PLXDC2: variants seen among roughly 807,000 people sequenced by gnomAD.
The protein encoded by PLXDC2 is plexin domain-containing protein 2.
A neutral mutation model predicts 68.9 loss-of-function variants in PLXDC2; 40 were observed. That is an observed-to-expected ratio of 0.58 (90% CI 0.45 to 0.76). The LOEUF (loss-of-function observed/expected upper bound fraction) is 0.76. Ranked by LOEUF, PLXDC2 falls within the 30% of genes least tolerant of loss-of-function variation. The probability of loss-of-function intolerance (pLI) is 0.00; values close to 1 mark genes in which losing one functional copy is unlikely to be tolerated. For synonymous variants in PLXDC2, 243 were observed against 234.2 expected, an observed-to-expected ratio of 1.04 and a Z score of -0.34; for missense variants, 644 against 661.9, an observed-to-expected ratio of 0.97 and a Z score of 0.30.
intron 1 of PLXDC2, among the ~76,000 whole-genome samples, chr10:19,860,489 T>A (rs17756200): frequency 0.048 from 7,369 of 152,268 alleles, 235 homozygotes; most frequent in Middle Eastern, 0.11. Context: ...AAGTGTGCAA[T>A]GTTCTGGCTG....
At chr10:19,856,365 AAC>A (rs1026568869) in intron 1 of PLXDC2, among the ~76,000 whole-genome samples, 5 of 132,092 alleles carry the variant, frequency 3.8e-5, no homozygotes, top group African/African-American at 5.9e-5. Context: ...TACACACACA[AAC>A]ACACACACAC....
At chr10:19,990,151 G>A (rs908167112) in intron 1 of PLXDC2, among the ~76,000 whole-genome samples, 2 of 151,866 alleles carry the variant, frequency 1.3e-5, no homozygotes, top group African/African-American at 2.4e-5. Flanking sequence ...ACTGGACCAC[G>A]TTAAGTCCAT....
intron 1 of PLXDC2, among the ~76,000 whole-genome samples, chr10:19,925,804 A>C (rs1460624427): frequency 2.0e-5 from 3 of 152,190 alleles, no homozygotes; most frequent in Non-Finnish European, 4.4e-5. Flanking sequence ...GACAATACTT[A>C]GGTGAGGAAT....
At chr10:20,268,417 A>G (rs538821883) in intron 13 of PLXDC2, among the ~76,000 whole-genome samples, 2 of 152,330 alleles carry the variant, frequency 1.3e-5, no homozygotes, top group East Asian at 3.9e-4. Context: ...TTAAAAACAT[A>G]TGATGAAACT....
chr10:19,828,116 A>G (rs188602380), intron 1 of PLXDC2, among the ~76,000 whole-genome samples: 10 of 152,376 alleles, frequency 6.6e-5, no homozygotes, highest in Admixed American at 5.9e-4. Flanking sequence ...ACACATGGAC[A>G]TGATGATATT....
At chr10:20,033,637 C>T (rs1380981406) in intron 2 of PLXDC2, among the ~76,000 whole-genome samples, 1 of 152,120 alleles carries the variant, frequency 6.6e-6, no homozygotes, top group Non-Finnish European at 1.5e-5. Flanking sequence ...TGTGGGGTAA[C>T]TTCCCTTTAT....
intron 9 of PLXDC2, among the ~76,000 whole-genome samples, chr10:20,202,836 A>T (rs1834939374): frequency 6.6e-6 from 1 of 152,150 alleles, no homozygotes; most frequent in African/African-American, 2.4e-5. Flanking sequence ...ATCTAGCTAG[A>T]GTTGCTGTTT....
intron 6 of PLXDC2, among the ~76,000 whole-genome samples, chr10:20,150,897 A>G (rs763325460): frequency 6.6e-6 from 1 of 152,130 alleles, no homozygotes; most frequent in Non-Finnish European, 1.5e-5. Context: ...AAGTTCCACT[A>G]TGGTTTTCCT....
At chr10:19,887,637 A>G (rs1182544130) in intron 1 of PLXDC2, among the ~76,000 whole-genome samples, 1 of 152,222 alleles carries the variant, frequency 6.6e-6, no homozygotes, top group African/African-American at 2.4e-5. Flanking sequence ...GTGTGAGTGC[A>G]TGCATGTTCA....
intron 1 of PLXDC2, among the ~76,000 whole-genome samples, chr10:19,984,094 C>CT (rs1486747067): frequency 5.3e-5 from 8 of 152,188 alleles, no homozygotes; most frequent in African/African-American, 1.9e-4. Context: ...GAAGCTACCA[C>CT]TTTGAGTTTC....
At chr10:19,984,840 G>A (rs11599265) in intron 1 of PLXDC2, among the ~76,000 whole-genome samples, 8,116 of 152,226 alleles carry the variant, frequency 0.053, 273 homozygotes, top group Middle Eastern at 0.092. Context: ...AGTGCATTCT[G>A]AAGTTTGAGA....
At chr10:20,132,712 T>C (rs1012599085) in intron 4 of PLXDC2, among the ~76,000 whole-genome samples, 1 of 152,030 alleles carries the variant, frequency 6.6e-6, no homozygotes, top group African/African-American at 2.4e-5. Flanking sequence ...ACTTTCAGCA[T>C]ATGAGTGTCC....
intron 9 of PLXDC2, among the ~76,000 whole-genome samples, chr10:20,187,296 C>T (rs1834698222): frequency 6.6e-6 from 1 of 151,562 alleles, no homozygotes; most frequent in South Asian, 2.1e-4. Flanking sequence ...CTGAATGGAC[C>T]CAATTTCAGT....
At chr10:20,139,085 G>A (rs1294850408) in intron 4 of PLXDC2, among the ~76,000 whole-genome samples, 1 of 152,114 alleles carries the variant, frequency 6.6e-6, no homozygotes, top group Non-Finnish European at 1.5e-5. Flanking sequence ...TACAATGATA[G>A]AATCCCCTAA....
At chr10:20,080,022 G>C (rs1836523811) in intron 4 of PLXDC2, among the ~76,000 whole-genome samples, 1 of 152,056 alleles carries the variant, frequency 6.6e-6, no homozygotes, top group Non-Finnish European at 1.5e-5. Flanking sequence ...TGAAAGGACT[G>C]TTCTCCTTAA....
At chr10:19,821,337 A>G (rs1040183447) in intron 1 of PLXDC2, among the ~76,000 whole-genome samples, 4 of 152,240 alleles carry the variant, frequency 2.6e-5, no homozygotes, top group South Asian at 4.1e-4. Context: ...GTGCGTCTCC[A>G]TCCATCCATT....
chr10:19,849,986 A>G (rs977948205), intron 1 of PLXDC2, among the ~76,000 whole-genome samples: 1 of 152,340 alleles, frequency 6.6e-6, no homozygotes, highest in Admixed American at 6.5e-5. Flanking sequence ...GCAGCATTAA[A>G]TGTAGTTCTC....
At chr10:19,941,706 C>G (rs1256597407) in intron 1 of PLXDC2, among the ~76,000 whole-genome samples, 1 of 152,120 alleles carries the variant, frequency 6.6e-6, no homozygotes, top group Non-Finnish European at 1.5e-5. Flanking sequence ...ACTGAAAGTA[C>G]AAAGAACTAC....
intron 1 of PLXDC2, among the ~76,000 whole-genome samples, chr10:19,852,439 A>C (rs1331417196): frequency 1.4e-4 from 8 of 57,114 alleles, no homozygotes; most frequent in African/African-American, 5.8e-4. Context: ...AAAAAAAAAA[A>C]AAAAAAAAAA....
Sources: allele counts gnomAD v4.1 joint callset (sites outside exome capture counted in the v4.1 genomes callset), GRCh38; gene constraint gnomAD v4.1.1; transcripts MANE v1.5; gene names NCBI Gene and HGNC (gene_info 2026-07-23, HGNC 2026-07-21).